Variants in DPH6 observed in about 807,000 individuals in gnomAD.
DPH6 encodes the protein diphthine--ammonia ligase.
In DPH6, 33 loss-of-function variants were observed where a neutral mutation model predicts 38.2. The observed-to-expected ratio is 0.86, with a 90% CI of 0.65 to 1.15. DPH6 has a LOEUF of 1.15. DPH6 is among the 50% of genes most tolerant of loss of function. The pLI is 0.00. For synonymous variants in DPH6, 108 were observed against 103.0 expected, an observed-to-expected ratio of 1.05 and a Z score of -0.30; for missense variants, 325 against 320.0, an observed-to-expected ratio of 1.02 and a Z score of -0.12.
intron 3 of DPH6, chr15:35,237,027 T>A: frequency 2.7e-6 from 1 of 367,718 alleles, no homozygotes; most frequent in Non-Finnish European, 4.9e-6. Flanking sequence ...GGAAGTTTTA[T>A]ACTGTACATC....
intron 3 of DPH6, among the ~76,000 whole-genome samples, chr15:35,337,347 A>G (rs1382614803): frequency 6.0e-5 from 9 of 151,234 alleles, no homozygotes; most frequent in African/African-American, 1.9e-4. Context: ...TTTTTTCTTT[A>G]TTAGTCTTGC....
chr15:35,321,711 C>T (rs2052241932), intron 3 of DPH6, among the ~76,000 whole-genome samples: 1 of 152,160 alleles, frequency 6.6e-6, no homozygotes, highest in African/African-American at 2.4e-5. Context: ...AAGAGGTCCT[C>T]CTAATATTAT....
intron 3 of DPH6, among the ~76,000 whole-genome samples, chr15:35,336,245 G>A (rs148098991): frequency 4.6e-5 from 7 of 151,844 alleles, no homozygotes; most frequent in African/African-American, 1.7e-4. Context: ...AGTTCTCCTG[G>A]ATAATATCCT....
intron 3 of DPH6, among the ~76,000 whole-genome samples, chr15:35,303,753 T>C (rs141999441): frequency 1.8e-4 from 27 of 151,832 alleles, no homozygotes; most frequent in Middle Eastern, 3.4e-3. Flanking sequence ...TGATATTCTA[T>C]ATTTTGGAGG....
chr15:35,161,689 G>A, the DPH6 span, among the ~76,000 whole-genome samples: 3 of 29,466 alleles, frequency 1.0e-4, no homozygotes, highest in South Asian at 2.1e-3. Context: ...GCTTGCTAGT[G>A]TGCTCGCTCT....
chr15:35,380,437 C>A (rs1306224355), intron 7 of DPH6, among the ~76,000 whole-genome samples: 1 of 152,146 alleles, frequency 6.6e-6, no homozygotes, highest in Non-Finnish European at 1.5e-5. Context: ...CAGTACATGT[C>A]TTGTAATTCC....
intron 3 of DPH6, among the ~76,000 whole-genome samples, chr15:35,339,280 G>A (rs1470776243): frequency 1.3e-5 from 2 of 151,194 alleles, no homozygotes; most frequent in Admixed American, 6.6e-5. Flanking sequence ...GTTCTCATTA[G>A]TTTCAAAGAA....
At chr15:35,160,672 T>A in the DPH6 span, among the ~76,000 whole-genome samples, 5 of 151,922 alleles carry the variant, frequency 3.3e-5, no homozygotes, top group African/African-American at 9.7e-5. Context: ...GTACTCAATG[T>A]TTAGCTTCCA....
intron 8 of DPH6, among the ~76,000 whole-genome samples, chr15:35,372,546 G>C (rs563908771): frequency 1.4e-4 from 22 of 152,048 alleles, no homozygotes; most frequent in South Asian, 1.2e-3. Context: ...CATTTGGATA[G>C]TGTAACTTAA....
chr15:35,354,003 A>G (rs1207697735), intron 3 of DPH6, among the ~76,000 whole-genome samples: 9 of 152,134 alleles, frequency 5.9e-5, no homozygotes, highest in Admixed American at 5.2e-4. Flanking sequence ...CACATCCCTT[A>G]TAAGTTGGAT....
chr15:35,324,327 T>C (rs957797869), intron 3 of DPH6, among the ~76,000 whole-genome samples: 24 of 152,092 alleles, frequency 1.6e-4, no homozygotes, highest in African/African-American at 5.8e-4. Context: ...GAATTACAAA[T>C]AGAAATTGCT....
At chr15:35,238,155 ATTT>A (rs141813373) in intron 3 of DPH6, 2 of 619,624 alleles carry the variant, frequency 3.2e-6, no homozygotes, top group Non-Finnish European at 4.7e-6. Context: ...CCTGAAACTT[ATTT>A]TTTTTTCTGA....
At chr15:35,532,381 G>GA (rs1450875229) in intron 3 of DPH6, among the ~76,000 whole-genome samples, 1 of 152,186 alleles carries the variant, frequency 6.6e-6, no homozygotes, top group Non-Finnish European at 1.5e-5. Flanking sequence ...TAGTACAGAT[G>GA]AAAAACCAGT....
intron 5 of DPH6, among the ~76,000 whole-genome samples, chr15:35,449,666 A>ATCTTT (rs78657081): frequency 0.63 from 96,208 of 151,928 alleles, 34,660 homozygotes; most frequent in South Asian, 0.84. Flanking sequence ...AGAGCTGCTC[A>ATCTTT]GCAACCTTTT....
intron 3 of DPH6, among the ~76,000 whole-genome samples, chr15:35,516,447 T>C (rs2054848974): frequency 6.6e-6 from 1 of 152,190 alleles, no homozygotes; most frequent in African/African-American, 2.4e-5. Context: ...TTGTACGTAC[T>C]ACTACTAGTC....
At chr15:35,353,822 C>A (rs2052536460) in intron 3 of DPH6, among the ~76,000 whole-genome samples, 2 of 152,156 alleles carry the variant, frequency 1.3e-5, no homozygotes, top group African/African-American at 4.8e-5. Context: ...TGAAGAAAGT[C>A]ATTGGTAGCT....
chr15:35,506,489 G>C (rs1196768519), intron 3 of DPH6, among the ~76,000 whole-genome samples: 2 of 152,102 alleles, frequency 1.3e-5, no homozygotes, highest in African/African-American at 2.4e-5. Context: ...TACATTACCT[G>C]AGTTTACTCT....
chr15:35,523,237 ATTCT>A (rs2054948284), intron 3 of DPH6, among the ~76,000 whole-genome samples: 1 of 110,916 alleles, frequency 9.0e-6, no homozygotes. Context: ...GAAGTTACAC[ATTCT>A]TTTTTTTTTT....
At chr15:35,420,074 T>A (rs753127428) in intron 5 of DPH6, among the ~76,000 whole-genome samples, 1 of 152,186 alleles carries the variant, frequency 6.6e-6, no homozygotes, top group Non-Finnish European at 1.5e-5. Flanking sequence ...GTTAAAATCA[T>A]GTCAAGTATC....
Sources: gnomAD v4.1 joint callset for allele counts (sites outside exome capture counted in the v4.1 genomes callset) on GRCh38, gnomAD v4.1.1 for gene constraint, MANE v1.5 for transcripts, NCBI Gene and HGNC (gene_info 2026-07-23, HGNC 2026-07-21) for gene names.